BTG4: variants seen among roughly 807,000 people sequenced by gnomAD.
The protein encoded by BTG4 is BTG anti-proliferation factor 4.
BTG4 carries 10 observed loss-of-function variants against 19.3 expected under a neutral mutation model. The observed-to-expected ratio is 0.52, with a 90% CI of 0.32 to 0.88. BTG4 has a LOEUF of 0.88. Among genes scored for constraint, BTG4 ranks in the 40% least tolerant of loss-of-function variants. The pLI, the probability that BTG4 is intolerant of heterozygous loss-of-function variation, is 0.04. For missense variants in BTG4, 238 were observed against 281.9 expected, an observed-to-expected ratio of 0.84 and a Z score of 1.11; for synonymous variants, 91 against 95.7, an observed-to-expected ratio of 0.95 and a Z score of 0.29.
intron 1 of BTG4, among the ~76,000 whole-genome samples, chr11:111,510,020 T>C (rs1866760924): frequency 1.3e-5 from 2 of 149,930 alleles, no homozygotes; most frequent in African/African-American, 4.9e-5. Context: ...CAAGCTATTC[T>C]CCCACCTCAG....
the BTG4 span, among the ~76,000 whole-genome samples, chr11:111,456,251 C>T: frequency 7.9e-5 from 12 of 152,120 alleles, no homozygotes; most frequent in African/African-American, 2.9e-4. This position sits in a 1 kb window ranked among gnomAD's most constrained non-coding sequence, Gnocchi z 4.2. Flanking sequence ...AATCCCGTAG[C>T]CCCCCTGTAG....
the BTG4 span, among the ~76,000 whole-genome samples, chr11:111,451,926 G>A: frequency 6.6e-6 from 1 of 152,156 alleles, no homozygotes; most frequent in African/African-American, 2.4e-5. Flanking sequence ...TGCAAGGAGG[G>A]GAAGGTTGAG....
downstream of BTG4, among the ~76,000 whole-genome samples, chr11:111,491,050 A>G (rs1325913563): frequency 3.3e-5 from 5 of 152,254 alleles, no homozygotes; most frequent in East Asian, 3.8e-4. Flanking sequence ...ACAATAAGGA[A>G]TAAACTACCA....
At chr11:111,389,124 T>C in the BTG4 span, among the ~76,000 whole-genome samples, 1 of 152,272 alleles carries the variant, frequency 6.6e-6, no homozygotes, top group Non-Finnish European at 1.5e-5. Context: ...TCTATTTGCA[T>C]GCATGCCATG....
chr11:111,474,254 T>G (rs949276191), intron 5 of BTG4, among the ~76,000 whole-genome samples: 6 of 152,146 alleles, frequency 3.9e-5, no homozygotes, highest in African/African-American at 1.4e-4. Flanking sequence ...CTCAACGAGT[T>G]GTCCAATGTG....
intron 5 of BTG4, among the ~76,000 whole-genome samples, chr11:111,472,099 G>GC (rs1272899100): frequency 6.6e-6 from 1 of 152,134 alleles, no homozygotes; most frequent in Admixed American, 6.5e-5. Context: ...TTTCTCTTCA[G>GC]CCTACTTGCA....
the BTG4 span, among the ~76,000 whole-genome samples, chr11:111,443,396 G>T: frequency 6.6e-6 from 1 of 152,104 alleles, no homozygotes; most frequent in African/African-American, 2.4e-5. Flanking sequence ...ATAATGTATT[G>T]GTTCATTAAT....
At chr11:111,424,049 G>A in the BTG4 span, among the ~76,000 whole-genome samples, 30 of 152,324 alleles carry the variant, frequency 2.0e-4, no homozygotes, top group Non-Finnish European at 3.8e-4. Flanking sequence ...CAAAATAGGT[G>A]AAGGGAAATG....
chr11:111,415,129 G>A, the BTG4 span: 1 of 152,158 alleles, frequency 6.6e-6, no homozygotes, highest in African/African-American at 2.4e-5. Context: ...GACCCAGATC[G>A]AAGCCCAGGT....
chr11:111,496,563 GAACATACA>G (rs1865743765), intron 4 of BTG4: 1 of 152,094 alleles, frequency 6.6e-6, no homozygotes, highest in Non-Finnish European at 1.5e-5. Flanking sequence ...GTGATTAAGA[GAACATACA>G]AACAAATATA....
downstream of BTG4, among the ~76,000 whole-genome samples, chr11:111,492,365 T>C (rs1328614588): frequency 6.6e-6 from 1 of 152,268 alleles, no homozygotes; most frequent in African/African-American, 2.4e-5. Flanking sequence ...GCAACTATTA[T>C]ATATGGTTGA....
At chr11:111,444,184 T>C in the BTG4 span, among the ~76,000 whole-genome samples, 1 of 122,736 alleles carries the variant, frequency 8.1e-6, no homozygotes, top group Non-Finnish European at 1.8e-5. Flanking sequence ...CCCTGAGGGG[T>C]GTGTGTGTGT....
the BTG4 span, among the ~76,000 whole-genome samples, chr11:111,413,345 A>T: frequency 1.3e-5 from 2 of 152,218 alleles, no homozygotes; most frequent in Non-Finnish European, 2.9e-5. Flanking sequence ...ATCAGAATCC[A>T]CATGTTTCAC....
At chr11:111,439,042 CT>C in the BTG4 span, among the ~76,000 whole-genome samples, 1 of 152,230 alleles carries the variant, frequency 6.6e-6, no homozygotes, top group African/African-American at 2.4e-5. Flanking sequence ...GGGCTGCCCC[CT>C]GTCCCGCACA....
the BTG4 span, among the ~76,000 whole-genome samples, chr11:111,424,724 G>A: frequency 3.2e-3 from 493 of 152,236 alleles, 35 homozygotes; most frequent in South Asian, 0.1. Context: ...TTGAGAGCCC[G>A]AGGTGGGTAG....
chr11:111,408,416 G>A, the BTG4 span, among the ~76,000 whole-genome samples: 9 of 152,248 alleles, frequency 5.9e-5, no homozygotes, highest in Non-Finnish European at 1.0e-4. Context: ...ATGAGTGGAC[G>A]AGCAGACTCA....
chr11:111,388,122 T>C, the BTG4 span, among the ~76,000 whole-genome samples: 1 of 152,372 alleles, frequency 6.6e-6, no homozygotes. Context: ...TTATTGCTGG[T>C]ATGAAAAACC....
the BTG4 span, among the ~76,000 whole-genome samples, chr11:111,444,464 G>A: frequency 6.6e-6 from 1 of 152,036 alleles, no homozygotes; most frequent in African/African-American, 2.4e-5. Flanking sequence ...AGTAGTGGGG[G>A]GCTGGGAGGG....
At position 111,497,350 on chromosome 11, in the gene BTG4, C is replaced by T; in HGVS notation, c.371G>A (p.Trp124Ter). ...VASFKGRWEE[W>*]ELYQQISYAV... Reference sequence around the variant, plus strand: ...ATAACTGATTTGTTGATATAGTTCCCATTCCTCCCATCTGCCTTTAAAAGA... The same window carrying T: ...ATAACTGATTTGTTGATATAGTTCCTATTCCTCCCATCTGCCTTTAAAAGA... Residue 124 changes from tryptophan (W) to a stop codon, truncating the protein, a stop_gained, in exon 4 of 5, where the codon TGG becomes TAG. Transcript: ENST00000692032. LOFTEE classifies it high-confidence loss of function. 1 of 1,492,722 alleles carries T rather than the reference C, an allele frequency of 6.7e-7. No individual in the cohort carries two copies. The highest frequency in any genetic ancestry group is 8.9e-7 in the Non-Finnish European group (1 of 1,121,144). The allele number at this position is 1,492,722 out of a possible 1,614,324, so 92.5% of individuals were successfully genotyped here. A position where few individuals can be genotyped will look rare whatever the true frequency, so the allele number is the denominator to read the frequency against.
Sources: gnomAD v4.1 joint callset for allele counts (sites outside exome capture counted in the v4.1 genomes callset) on GRCh38, gnomAD v4.1.1 for gene constraint, Gnocchi (gnomAD v3.1) non-coding constraint, MANE v1.5 for transcripts, NCBI Gene and HGNC (gene_info 2026-07-23, HGNC 2026-07-21) for gene names.